The following UBE4B variants were observed in gnomAD, a reference collection of about 807,000 sequenced individuals.
The protein encoded by UBE4B is ubiquitin conjugation factor E4 B.
Under a neutral mutation model 148.1 loss-of-function variants are expected in UBE4B, and 27 were observed. The ratio of observed to expected loss-of-function variants is 0.18; its 90% CI spans 0.13 to 0.25. The LOEUF (loss-of-function observed/expected upper bound fraction) is 0.25. Ranked by LOEUF, UBE4B falls within the 10% of genes least tolerant of loss-of-function variation. The probability of loss-of-function intolerance (pLI) is 1.00; values close to 1 mark genes in which losing one functional copy is unlikely to be tolerated. For synonymous variants in UBE4B, 596 were observed against 619.3 expected, an observed-to-expected ratio of 0.96 and a Z score of 0.56; for missense variants, 1,170 against 1,662.4, an observed-to-expected ratio of 0.70 and a Z score of 5.15.
At chr1:10,172,845 A>G (rs1446874944) in intron 25 of UBE4B, among the ~76,000 whole-genome samples, 2 of 152,200 alleles carry the variant, frequency 1.3e-5, no homozygotes, top group African/African-American at 4.8e-5. Context: ...CACAAAGACC[A>G]TGTGGCCCCA....
intron 1 of UBE4B, among the ~76,000 whole-genome samples, chr1:10,044,155 C>T (rs549532604): frequency 5.9e-5 from 9 of 152,122 alleles, no homozygotes; most frequent in Non-Finnish European, 8.8e-5. Context: ...AAGCGATTCT[C>T]GTGTCTCAGC....
intron 17 of UBE4B, among the ~76,000 whole-genome samples, chr1:10,137,707 G>T (rs770280729): frequency 1.3e-4 from 20 of 152,034 alleles, no homozygotes; most frequent in Non-Finnish European, 2.6e-4. Flanking sequence ...TAGCACCATG[G>T]TTGTGTTTCT....
At position 10,106,712 on chromosome 1, in the gene UBE4B, C is replaced by A; in HGVS notation, c.1196+129C>A. On this transcript the variant is annotated intron_variant, in intron 7 of 27. Transcript: ENST00000343090. This position sits in a 1 kb window ranked among gnomAD's most constrained non-coding sequence, Gnocchi z 4.2. ...TGTTTTGGGTTATTAACCTGTGTGG[C>A]TAACTAGTTTGGTAGGCACGTACTC... is the stretch of plus-strand genomic sequence containing the variant. The A allele has an allele frequency of 7.9e-7, 1 of 1,270,244 alleles. No individual in the cohort carries two copies. The highest frequency in any genetic ancestry group is 1.0e-6 in the Non-Finnish European group (1 of 963,636). 78.7% of individuals were successfully genotyped at this position (1,270,244 alleles called of 1,614,324 possible). A position where few individuals can be genotyped will look rare whatever the true frequency, so the allele number is the denominator to read the frequency against.
At chr1:10,074,779 G>A (rs571879623) in intron 2 of UBE4B, among the ~76,000 whole-genome samples, 3 of 152,102 alleles carry the variant, frequency 2.0e-5, no homozygotes, top group Non-Finnish European at 4.4e-5. Context: ...GGATTCAAGG[G>A]CTCAATATTT....
intron 25 of UBE4B, among the ~76,000 whole-genome samples, chr1:10,173,430 G>T (rs537509674): frequency 6.0e-4 from 91 of 151,082 alleles, no homozygotes; most frequent in African/African-American, 2.1e-3. Context: ...TGCAGTGAGC[G>T]GAGATCGAGC....
intron 10 of UBE4B, among the ~76,000 whole-genome samples, chr1:10,123,048 T>C (rs2101925929): frequency 6.6e-6 from 1 of 152,336 alleles, no homozygotes; most frequent in Middle Eastern, 3.4e-3. Context: ...CTGTTTATCT[T>C]AGGTGATGAT....
intron 7 of UBE4B, among the ~76,000 whole-genome samples, chr1:10,111,923 C>T (rs1468464485): frequency 1.3e-5 from 2 of 151,342 alleles, no homozygotes; most frequent in Non-Finnish European, 2.9e-5. Flanking sequence ...CACCACTGCA[C>T]TCCAGCCTGG....
chr1:10,071,209 G>A (rs1415777317), intron 1 of UBE4B, among the ~76,000 whole-genome samples: 2 of 152,064 alleles, frequency 1.3e-5, no homozygotes, highest in South Asian at 2.1e-4. Flanking sequence ...CTGGCCAATT[G>A]GCTATTTATT....
intron 24 of UBE4B, among the ~76,000 whole-genome samples, chr1:10,170,301 A>ACT (rs1646320132): frequency 6.6e-6 from 1 of 152,200 alleles, no homozygotes; most frequent in Non-Finnish European, 1.5e-5. Flanking sequence ...ACAGCTTCTC[A>ACT]ACAGTGAAAT....
At chr1:10,159,974 A>T (rs2102007190) in intron 22 of UBE4B, among the ~76,000 whole-genome samples, 1 of 152,308 alleles carries the variant, frequency 6.6e-6, no homozygotes, top group South Asian at 2.1e-4. Flanking sequence ...GCTTGTCCTG[A>T]ACTTGCCATG....
chr1:10,048,098 C>G (rs1266682241), intron 1 of UBE4B, among the ~76,000 whole-genome samples: 1 of 152,156 alleles, frequency 6.6e-6, no homozygotes, highest in Admixed American at 6.5e-5. Context: ...ATCCTCCTTC[C>G]TTGGCTTCCC....
At chr1:10,035,623 G>A (rs1382752541) in intron 1 of UBE4B, among the ~76,000 whole-genome samples, 1 of 149,108 alleles carries the variant, frequency 6.7e-6, no homozygotes. Context: ...AGCCAGGATG[G>A]TCTCGATTTC....
In UBE4B at chr1:10,072,012, T is replaced by TC; in HGVS notation, c.25-12dup. On this transcript the variant is annotated splice_polypyrimidine_tract_variant and intron_variant, in intron 1 of 27. Coordinates refer to ENST00000343090, the MANE Select transcript of UBE4B (RefSeq NM_001105562.3). Reference sequence around the variant, plus strand: ...GCTGATTAGTTATAGAATGCCCTTTTCCCCTCATGTTGTAGATTCGACGGA... The same window carrying TC: ...GCTGATTAGTTATAGAATGCCCTTTTCCCCCTCATGTTGTAGATTCGACGGA... 1 of 1,560,552 alleles carries TC rather than the reference T, an allele frequency of 6.4e-7. No homozygotes were observed. The highest frequency in any genetic ancestry group is 8.7e-7 in the Non-Finnish European group (1 of 1,155,460).
At chr1:10,149,705 G>T (rs1260492571) in intron 20 of UBE4B, among the ~76,000 whole-genome samples, 2 of 152,010 alleles carry the variant, frequency 1.3e-5, no homozygotes, top group African/African-American at 4.8e-5. Flanking sequence ...TGGTATTGTA[G>T]GGTTTTAATT....
rs554744860 is a variant in UBE4B, at chr1:10,039,017, G to A, written c.24+5323G>A. On this transcript the variant is annotated intron_variant, in intron 1 of 27. Coordinates refer to ENST00000343090, the MANE Select transcript of UBE4B (RefSeq NM_001105562.3). ...AGAGGTTGCAGTGAGCCGAGATTGC[G>A]CCACTGTACTCTAGCCTGGGAGGCA... is the stretch of plus-strand genomic sequence containing the variant. 2.6e-5 allele frequency among the ~76,000 whole-genome samples: 4 copies of A among 152,094 alleles called. No individual in the cohort carries two copies. In the South Asian group the frequency reaches 6.2e-4, roughly 24 times the overall value.
chr1:10,117,492 T>G lies in UBE4B; in HGVS notation c.1230T>G (p.Asp410Glu). The G allele has an allele frequency of 6.2e-7, 1 of 1,612,682 alleles. No individual in the cohort carries two copies. The highest frequency in any genetic ancestry group is 8.5e-7 in the Non-Finnish European group (1 of 1,179,702). ...LGASGGASNWDSYSDHFTIET... is the reference protein window; with the variant it reads ...LGASGGASNWESYSDHFTIET... Reference sequence around the variant, plus strand: ...CCTCTGGTGGAGCAAGTAATTGGGATTCCTACAGTGACCATTTCACCATTG... The same window carrying G: ...CCTCTGGTGGAGCAAGTAATTGGGAGTCCTACAGTGACCATTTCACCATTG... The change falls in exon 8 of 28, where the codon GAT becomes GAG. Residue 410 changes from aspartate (D) to glutamate (E), a missense_variant. By Grantham distance (45) the Asp-to-Glu change is conservative. Coordinates refer to ENST00000343090, the MANE Select transcript of UBE4B (RefSeq NM_001105562.3).
At chr1:10,094,902 T>A (rs150461556) in intron 2 of UBE4B, among the ~76,000 whole-genome samples, 101 of 152,258 alleles carry the variant, frequency 6.6e-4, no homozygotes, top group African/African-American at 2.0e-3. Context: ...AGGATTCTCC[T>A]GCCTCAGCTT....
intron 7 of UBE4B, among the ~76,000 whole-genome samples, chr1:10,112,315 A>G (rs919072968): frequency 6.6e-6 from 1 of 152,244 alleles, no homozygotes; most frequent in Non-Finnish European, 1.5e-5. Context: ...TTAGGATGTC[A>G]CAGTTGTAAA....
intron 26 of UBE4B, 64 bp from the exon 27 acceptor site, chr1:10,179,352 T>C (rs1646472882): frequency 1.3e-6 from 2 of 1,579,518 alleles, no homozygotes; most frequent in Non-Finnish European, 1.7e-6. Flanking sequence ...TAGAACGGGC[T>C]TTGTTTTCTT....
Sources: allele counts gnomAD v4.1 joint callset (sites outside exome capture counted in the v4.1 genomes callset), GRCh38; gene constraint gnomAD v4.1.1; non-coding constraint Gnocchi (gnomAD v3.1); transcripts MANE v1.5; gene names NCBI Gene and HGNC (gene_info 2026-07-23, HGNC 2026-07-21).